Variants in NUBPL observed in about 807,000 individuals in gnomAD.
NUBPL encodes iron-sulfur cluster transfer protein NUBPL.
Under a neutral mutation model 45.7 loss-of-function variants are expected in NUBPL, and 31 were observed. The observed-to-expected ratio is 0.68, with a 90% CI of 0.51 to 0.92. The LOEUF (loss-of-function observed/expected upper bound fraction) is 0.92, where lower values mean the gene tolerates loss of function less well. Among genes scored for constraint, NUBPL ranks in the 40% least tolerant of loss-of-function variants. The probability of loss-of-function intolerance (pLI) is 0.00; values close to 1 mark genes in which losing one functional copy is unlikely to be tolerated. For synonymous variants in NUBPL, 144 were observed against 140.9 expected (o/e 1.02, Z -0.15); for missense variants, 401 against 398.7 (o/e 1.01, Z -0.05).
intron 4 of NUBPL, among the ~76,000 whole-genome samples, chr14:31,618,503 A>G (rs1014495091): frequency 8.5e-5 from 13 of 152,146 alleles, no homozygotes; most frequent in African/African-American, 2.4e-4. Context: ...TCAAATAACA[A>G]ACTTCTTTAT....
At chr14:31,681,829 ATCT>A (rs1167520360) in intron 6 of NUBPL, among the ~76,000 whole-genome samples, 2 of 152,034 alleles carry the variant, frequency 1.3e-5, no homozygotes, top group Non-Finnish European at 2.9e-5. Flanking sequence ...ACATTGGAAG[ATCT>A]TCTTAATAAC....
rs559721079 is a variant in NUBPL, at chr14:31,633,943, C to T, written c.382+34564C>T. ...ATGGATCACTTTGTCAGTATCCCAC[C>T]TGCTTAGGGTTCCCAGGTTTGAACG... On this transcript the variant is annotated intron_variant, in intron 4 of 10. Coordinates refer to ENST00000281081, the MANE Select transcript of NUBPL (RefSeq NM_025152.3). Among the ~76,000 whole-genome samples the T allele has an allele frequency of 1.8e-4, 28 of 152,168 alleles. No individual in the cohort carries two copies. The South Asian group carries it at 5.4e-3, about 29-fold the overall frequency.
chr14:31,576,757 T>C (rs1407843573), intron 3 of NUBPL, among the ~76,000 whole-genome samples: 1 of 152,220 alleles, frequency 6.6e-6, no homozygotes, highest in Non-Finnish European at 1.5e-5. Context: ...TAGCACATGG[T>C]CTTGCTTCCT....
At chr14:31,654,173 A>G (rs2036083534) in intron 4 of NUBPL, 1 of 450,956 alleles carries the variant, frequency 2.2e-6, no homozygotes, top group Non-Finnish European at 4.4e-6. Flanking sequence ...ATTGCATATA[A>G]AAGTTATGTT....
chr14:31,741,714 C>T (rs539211637), intron 6 of NUBPL, among the ~76,000 whole-genome samples: 2 of 152,136 alleles, frequency 1.3e-5, no homozygotes, highest in Admixed American at 6.5e-5. Flanking sequence ...TTGTCATTTA[C>T]AGTTTAAGTT....
chr14:31,676,705 T>C (rs891663821), intron 6 of NUBPL, among the ~76,000 whole-genome samples: 1 of 151,998 alleles, frequency 6.6e-6, no homozygotes, highest in Non-Finnish European at 1.5e-5. Flanking sequence ...GTATTAGATC[T>C]CATATTTTCT....
chr14:31,780,855 G>A (rs1043698168), intron 6 of NUBPL, among the ~76,000 whole-genome samples: 2 of 152,108 alleles, frequency 1.3e-5, no homozygotes, highest in Non-Finnish European at 2.9e-5. Flanking sequence ...CAACATATCC[G>A]AATTTTAGGA....
chr14:31,751,163 G>T (rs1206655153), intron 6 of NUBPL, among the ~76,000 whole-genome samples: 1 of 152,156 alleles, frequency 6.6e-6, no homozygotes, highest in Non-Finnish European at 1.5e-5. Flanking sequence ...GGGACACAGA[G>T]CTAAACCATA....
chr14:31,741,173 C>G (rs769852573), intron 6 of NUBPL, among the ~76,000 whole-genome samples: 2 of 152,112 alleles, frequency 1.3e-5, no homozygotes, highest in Non-Finnish European at 2.9e-5. Flanking sequence ...GTACTTTTTT[C>G]TTCCTAGCCA....
intron 7 of NUBPL, among the ~76,000 whole-genome samples, chr14:31,826,326 A>G (rs1444339141): frequency 2.6e-5 from 4 of 151,750 alleles, no homozygotes; most frequent in Non-Finnish European, 4.4e-5. Context: ...TCACCATGTT[A>G]GCCAGGCTGG....
At chr14:31,584,814 A>G (rs571347905) in intron 3 of NUBPL, among the ~76,000 whole-genome samples, 1 of 152,322 alleles carries the variant, frequency 6.6e-6, no homozygotes, top group East Asian at 1.9e-4. Context: ...GGCAGATCCA[A>G]TGTCTGGTTG....
At chr14:31,749,466 G>T (rs2038474194) in intron 6 of NUBPL, among the ~76,000 whole-genome samples, 2 of 152,158 alleles carry the variant, frequency 1.3e-5, no homozygotes, top group South Asian at 4.1e-4. Context: ...TTTTTGCTGG[G>T]TATAGTATTC....
chr14:31,760,589 G>C (rs945157414), intron 6 of NUBPL, among the ~76,000 whole-genome samples: 12 of 151,950 alleles, frequency 7.9e-5, no homozygotes, highest in African/African-American at 2.9e-4. Context: ...TTTGTGCCTG[G>C]CTTATTTCAC....
chr14:31,712,205 G>T (rs2037589188), intron 6 of NUBPL, among the ~76,000 whole-genome samples: 1 of 152,192 alleles, frequency 6.6e-6, no homozygotes, highest in Non-Finnish European at 1.5e-5. Context: ...ACTGATTGGT[G>T]CATTTACAAA....
At chr14:31,815,748 G>A (rs2039902187) in intron 7 of NUBPL, among the ~76,000 whole-genome samples, 1 of 152,022 alleles carries the variant, frequency 6.6e-6, no homozygotes, top group African/African-American at 2.4e-5. Flanking sequence ...AGCATGAAGT[G>A]GTGTTGAATT....
At chr14:31,693,980 T>C (rs972233175) in intron 6 of NUBPL, among the ~76,000 whole-genome samples, 7 of 150,584 alleles carry the variant, frequency 4.6e-5, no homozygotes, top group South Asian at 2.1e-4. Context: ...CTCAGCCTCC[T>C]GAGTGGCTGG....
chr14:31,580,952 C>T (rs1401879973), intron 3 of NUBPL, among the ~76,000 whole-genome samples: 1 of 152,042 alleles, frequency 6.6e-6, no homozygotes, highest in African/African-American at 2.4e-5. Flanking sequence ...GGGTTTTTCA[C>T]CAGGGCAGTG....
intron 4 of NUBPL, among the ~76,000 whole-genome samples, chr14:31,639,038 C>T (rs893629015): frequency 1.3e-5 from 2 of 152,112 alleles, no homozygotes; most frequent in Non-Finnish European, 2.9e-5. Flanking sequence ...TGAGTTTCCT[C>T]CCATAGCTCG....
intron 6 of NUBPL, among the ~76,000 whole-genome samples, chr14:31,755,639 T>G (rs1314335476): frequency 2.0e-5 from 3 of 152,112 alleles, no homozygotes; most frequent in Non-Finnish European, 2.9e-5. Context: ...TTTCTCCCAT[T>G]TTGTAGGTTG....
Sources: allele counts gnomAD v4.1 joint callset (sites outside exome capture counted in the v4.1 genomes callset), GRCh38; gene constraint gnomAD v4.1.1; transcripts MANE v1.5; gene names NCBI Gene and HGNC (gene_info 2026-07-23, HGNC 2026-07-21).